TAF7: variants seen among roughly 807,000 people sequenced by gnomAD.
TAF7 encodes the protein TATA-box binding protein associated factor 7, also known as transcription initiation factor TFIID subunit 7.
Under a neutral mutation model 25.3 loss-of-function variants are expected in TAF7, and 9 were observed. The ratio of observed to expected loss-of-function variants is 0.36; its 90% CI spans 0.21 to 0.62. The LOEUF is 0.62. TAF7 is among the 20% of genes least tolerant of loss of function. TAF7 has a pLI of 0.72. For missense variants in TAF7, 311 were observed against 410.6 expected (o/e 0.76, Z 2.10); for synonymous variants, 127 against 146.7 (o/e 0.87, Z 0.97).
chr5:141,318,700 A>C lies in TAF7; in HGVS notation c.*295T>G, dbSNP rs1235188321. On this transcript the variant is annotated 3_prime_UTR_variant, in exon 1 of 1. Coordinates refer to ENST00000313368, the MANE Select transcript of TAF7 (RefSeq NM_005642.3). ...AACAGCAGCTTCTAGAAAATGGAGA[A>C]ACAGTAAAGTCCTGCAATGAAGCTA... is the stretch of plus-strand genomic sequence containing the variant. The C allele has an allele frequency of 1.3e-5, 3 of 227,420 alleles. No individual in the cohort carries two copies. Among genetic ancestry groups the C allele is most frequent in the Non-Finnish European group, 2.5e-5 (3 of 117,822 alleles). 14.1% of individuals were successfully genotyped at this position (227,420 alleles called of 1,614,324 possible). A position where few individuals can be genotyped will look rare whatever the true frequency, so the allele number is the denominator to read the frequency against.
At position 141,318,739 on chromosome 5, in the gene TAF7, AC is replaced by A; in HGVS notation, c.*255del. 2.9e-6 allele frequency: 1 copy of A among 350,570 alleles called. No homozygotes were observed. Among genetic ancestry groups the A allele is most frequent in the Non-Finnish European group, 5.1e-6 (1 of 194,294 alleles). 21.7% of individuals were successfully genotyped at this position (350,570 alleles called of 1,614,324 possible). On this transcript the variant is annotated 3_prime_UTR_variant, in exon 1 of 1. Coordinates refer to ENST00000313368, the MANE Select transcript of TAF7 (RefSeq NM_005642.3). ...GCAATGAAGCTATAATTAAGGTTGA[AC>A]CATACATTCCGCTAATCCTGCAACT... is the stretch of plus-strand genomic sequence containing the variant.
Position 141,319,646 on chromosome 5 carries a change from G to A in TAF7, c.399C>T (p.Asn133=), listed in dbSNP as rs369545206. ...TCTTTAGAGGCAGAGTAATTCCGTG[G>A]TTCCAGATAAACTTTTTCTCTTTGT... The part of the protein sequence containing the change: ...DKDKEKKFIW[N]HGITLPLKNV... The change falls in exon 1 of 1, where the codon AAC becomes AAT. Residue 133 remains asparagine, a synonymous_variant. Transcript: ENST00000313368. The surrounding 1 kb of genome is among the most constrained non-coding windows in gnomAD (Gnocchi z 5.3). 62 of 1,614,024 alleles carry A rather than the reference G, an allele frequency of 3.8e-5. No homozygotes were observed. In the Admixed American group the frequency reaches 4.8e-4, roughly 13 times the overall value.
Position 141,319,785 on chromosome 5 carries a change from T to C in TAF7, c.260A>G (p.Lys87Arg). ...AAGCATCTGACAGATATCAGCTGTC[T>C]TGTAAAAAGTTTTTTTATCAATGGT... ...LKTIDKKTFY[K>R]TADICQMLVS... Residue 87 changes from lysine (K) to arginine (R), a missense_variant, in exon 1 of 1, where the codon AAG becomes AGG. Transcript: ENST00000313368. This position sits in a 1 kb window ranked among gnomAD's most constrained non-coding sequence, Gnocchi z 5.3. 2 of 1,614,130 alleles carry C rather than the reference T, an allele frequency of 1.2e-6. No individual in the cohort carries two copies. Among genetic ancestry groups the C allele is most frequent in the Non-Finnish European group, 1.7e-6 (2 of 1,180,038 alleles).
chr5:141,318,803 C>T lies in TAF7; in HGVS notation c.*192G>A, dbSNP rs903367626. On this transcript the variant is annotated 3_prime_UTR_variant, in exon 1 of 1. Coordinates refer to ENST00000313368, the MANE Select transcript of TAF7 (RefSeq NM_005642.3). ...TTTTTCTGCCTATACAATCCTGCTT[C>T]TTATAGGATGAACACCTAGCAAAAC... The T allele has an allele frequency of 3.9e-6, 2 of 516,888 alleles. No individual in the cohort carries two copies. Among genetic ancestry groups the T allele is most frequent in the Non-Finnish European group, 6.6e-6 (2 of 301,864 alleles). The allele number at this position is 516,888 out of a possible 1,614,324, so 32.0% of individuals were successfully genotyped here. A position where few individuals can be genotyped will look rare whatever the true frequency, so the allele number is the denominator to read the frequency against.
Position 141,319,648 on chromosome 5 carries a change from T to C in TAF7, c.397A>G (p.Asn133Asp), listed in dbSNP as rs1418372319. The C allele has an allele frequency of 1.2e-6, 2 of 1,614,080 alleles. No individual in the cohort carries two copies. Among genetic ancestry groups the C allele is most frequent in the African/African-American group, 1.3e-5 (1 of 74,944 alleles). Reference protein sequence around the residue: ...DKDKEKKFIWNHGITLPLKNV... With the variant: ...DKDKEKKFIWDHGITLPLKNV... Reference sequence around the variant, plus strand: ...TTTAGAGGCAGAGTAATTCCGTGGTTCCAGATAAACTTTTTCTCTTTGTCC... The same window carrying C: ...TTTAGAGGCAGAGTAATTCCGTGGTCCCAGATAAACTTTTTCTCTTTGTCC... The change falls in exon 1 of 1, where the codon AAC becomes GAC. Residue 133 changes from asparagine to aspartate, a missense_variant. Coordinates refer to ENST00000313368, the MANE Select transcript of TAF7 (RefSeq NM_005642.3). This position sits in a 1 kb window ranked among gnomAD's most constrained non-coding sequence, Gnocchi z 5.3.
In TAF7 at chr5:141,319,867, G is replaced by A; in HGVS notation, c.178C>T (p.Arg60Cys). 6.2e-7 allele frequency: 1 copy of A among 1,614,094 alleles called. No individual in the cohort carries two copies. The highest frequency in any genetic ancestry group is 8.5e-7 in the Non-Finnish European group (1 of 1,180,030). The change falls in exon 1 of 1, where the codon CGT becomes TGT. Residue 60 changes from arginine (R) to cysteine (C), a missense_variant. Transcript: ENST00000313368. The surrounding 1 kb of genome is among the most constrained non-coding windows in gnomAD (Gnocchi z 5.3). ...DGRHGIVRVD[R>C]VPLASKLVDL... ...ACTAATTTTGAGGCCAATGGAACACGGTCCACTCTGACGATTCCATGACGC... is the reference window on the plus strand; with the variant it reads ...ACTAATTTTGAGGCCAATGGAACACAGTCCACTCTGACGATTCCATGACGC...
In TAF7 at chr5:141,319,259, A is replaced by C. The variant is rs777183993; in HGVS notation, c.786T>G (p.Asn262Lys). Residue 262 changes from asparagine (N) to lysine (K), a missense_variant, in exon 1 of 1, where the codon AAT becomes AAG. Asn to Lys is a moderately conservative substitution (Grantham distance 94, BLOSUM62 0). This residue lies in a region of TAF7 where 179 missense variants were observed against 206.7 expected (regional missense o/e 0.87). Transcript: ENST00000313368. The surrounding 1 kb of genome is among the most constrained non-coding windows in gnomAD (Gnocchi z 5.3). ...TTTCCTGGTGCTGTTCATCTGATTC[A>C]TTTAGCTTGTCCTGTAGCTGTCTCT... ...DLERQLQDKL[N>K]ESDEQHQENE... The C allele has an allele frequency of 3.3e-5, 53 of 1,613,792 alleles. No homozygotes were observed. The highest frequency in any genetic ancestry group is 3.9e-5 in the Non-Finnish European group (46 of 1,180,020).
Position 141,320,146 on chromosome 5 carries a change from C to A in TAF7, c.-102G>T, listed in dbSNP as rs1468161588. 20 of 1,038,180 alleles carry A rather than the reference C, an allele frequency of 1.9e-5. No homozygotes were observed. Among genetic ancestry groups the A allele is most frequent in the Middle Eastern group, 3.1e-4 (1 of 3,202 alleles). The allele number at this position is 1,038,180 out of a possible 1,614,324, so 64.3% of individuals were successfully genotyped here. On this transcript the variant is annotated 5_prime_UTR_variant, in exon 1 of 1. Transcript: ENST00000313368. ...ACACCAGTTTGCTATGAATTGAAAT[C>A]TTTTAATTACAAGAAGTTCTCTGTA...
Position 141,318,849 on chromosome 5 carries a change from C to G in TAF7, c.*146G>C. On this transcript the variant is annotated 3_prime_UTR_variant, in exon 1 of 1. Coordinates refer to ENST00000313368, the MANE Select transcript of TAF7 (RefSeq NM_005642.3). ...AAAACAATATAAATTTGCTGAAAAA[C>G]AAAATTACAAACAAATGAAAGAACT... 1 of 754,072 alleles carries G rather than the reference C, an allele frequency of 1.3e-6. No homozygotes were observed. The highest frequency in any genetic ancestry group is 2.9e-5 in the East Asian group (1 of 33,974). 46.7% of individuals were successfully genotyped at this position (754,072 alleles called of 1,614,324 possible). A position where few individuals can be genotyped will look rare whatever the true frequency, so the allele number is the denominator to read the frequency against.
Position 141,319,912 on chromosome 5 carries a change from T to C in TAF7, c.133A>G (p.Ile45Val), listed in dbSNP as rs1166022452. 2 of 1,614,198 alleles carry C rather than the reference T, an allele frequency of 1.2e-6. No individual in the cohort carries two copies. Among genetic ancestry groups the C allele is most frequent in the African/African-American group, 1.3e-5 (1 of 75,062 alleles). ...TGACGCCCATCAGGATGTAACTCAATTGTCAGTCTGTCCTTGAGGTTGACA... is the reference window on the plus strand; with the variant it reads ...TGACGCCCATCAGGATGTAACTCAACTGTCAGTCTGTCCTTGAGGTTGACA... ...GHVNLKDRLT[I>V]ELHPDGRHGI... The change falls in exon 1 of 1, where the codon ATT (isoleucine) becomes GTT (valine). Residue 45 changes from isoleucine to valine, a missense_variant. Coordinates refer to ENST00000313368, the MANE Select transcript of TAF7 (RefSeq NM_005642.3). This position sits in a 1 kb window ranked among gnomAD's most constrained non-coding sequence, Gnocchi z 5.3.
rs1035839807 is a variant in TAF7, at chr5:141,320,172, G to C, written c.-128C>G. 1.4e-5 allele frequency: 11 copies of C among 799,272 alleles called. No individual in the cohort carries two copies. The African/African-American group carries it at 1.9e-4, about 14-fold the overall frequency. The allele number at this position is 799,272 out of a possible 1,614,324, so 49.5% of individuals were successfully genotyped here. A position where few individuals can be genotyped will look rare whatever the true frequency, so the allele number is the denominator to read the frequency against. The stretch of plus-strand genomic sequence containing the variant: ...TTTTAATTACAAGAAGTTCTCTGTA[G>C]ATCAGCAGCTAAGCGTCTATTTTGC... On this transcript the variant is annotated 5_prime_UTR_variant, in exon 1 of 1. The change creates a new upstream start codon in the 5' untranslated region. Coordinates refer to ENST00000313368, the MANE Select transcript of TAF7 (RefSeq NM_005642.3).
Position 141,320,246 on chromosome 5 carries a change from C to G in TAF7, c.-202G>C, listed in dbSNP as rs1460588997. ...GTCTTTTCTCTAAATATGCTGTGACCGAATACCAGTCGTTAACACAAAGGC... is the reference window on the plus strand; with the variant it reads ...GTCTTTTCTCTAAATATGCTGTGACGGAATACCAGTCGTTAACACAAAGGC... On this transcript the variant is annotated 5_prime_UTR_variant, in exon 1 of 1. Transcript: ENST00000313368. The G allele has an allele frequency of 3.4e-6, 2 of 591,728 alleles. No individual in the cohort carries two copies. The highest frequency in any genetic ancestry group is 2.9e-5 in the East Asian group (1 of 34,486). 36.7% of individuals were successfully genotyped at this position (591,728 alleles called of 1,614,324 possible).
In TAF7 at chr5:141,319,682, T is replaced by C. The variant is rs1161649910; in HGVS notation, c.363A>G (p.Lys121=). The C allele has an allele frequency of 1.2e-6, 2 of 1,614,056 alleles. No individual in the cohort carries two copies. Among genetic ancestry groups the C allele is most frequent in the Non-Finnish European group, 1.7e-6 (2 of 1,180,050 alleles). The change falls in exon 1 of 1, where the codon AAA becomes AAG. Residue 121 remains lysine (K), a synonymous_variant. Transcript: ENST00000313368. The surrounding 1 kb of genome is among the most constrained non-coding windows in gnomAD (Gnocchi z 5.3). ...ACTTTTTCTCTTTGTCCTTATCCTT[T>C]TTCTTGCTTGCTTTAGGATCAGTGC... ...VASTDPKASK[K]KDKDKEKKFI...
chr5:141,320,079 G>T lies in TAF7; in HGVS notation c.-35C>A. Reference sequence around the variant, plus strand: ...CTTGTGATTCACTTCTCCAATAAATGCTGGTTACACTAAAAAGTTCCAGCT... The same window carrying T: ...CTTGTGATTCACTTCTCCAATAAATTCTGGTTACACTAAAAAGTTCCAGCT... On this transcript the variant is annotated 5_prime_UTR_variant, in exon 1 of 1. Transcript: ENST00000313368. The T allele has an allele frequency of 6.4e-7, 1 of 1,573,494 alleles. No homozygotes were observed. Among genetic ancestry groups the T allele is most frequent in the Non-Finnish European group, 8.7e-7 (1 of 1,155,664 alleles).
Position 141,319,971 on chromosome 5 carries a change from G to A in TAF7, c.74C>T (p.Ala25Val). Residue 25 changes from alanine (A) to valine (V), a missense_variant, in exon 1 of 1, where the codon GCC (alanine) becomes GTC (valine). Transcript: ENST00000313368. This position sits in a 1 kb window ranked among gnomAD's most constrained non-coding sequence, Gnocchi z 5.3. ...CTGTACTGCCCTTCTCACAGTAGAG[G>A]CATATTCTGGAGGCAGACGTAAGAT... ...QFILRLPPEY[A>V]STVRRAVQSG... 6.2e-7 allele frequency: 1 copy of A among 1,613,974 alleles called. No individual in the cohort carries two copies. The highest frequency in any genetic ancestry group is 2.2e-5 in the East Asian group (1 of 44,876).
rs778667242 is a variant in TAF7 at position 141,319,837 on chromosome 5, G to C, written c.208C>G (p.Leu70Val). The C allele has an allele frequency of 6.8e-6, 11 of 1,614,010 alleles. No individual in the cohort carries two copies. The highest frequency in any genetic ancestry group is 8.5e-6 in the Non-Finnish European group (10 of 1,180,032). Residue 70 changes from leucine to valine, a missense_variant, in exon 1 of 1, where the codon CTG becomes GTG. Leu to Val is a conservative substitution (Grantham distance 32). Transcript: ENST00000313368. This position sits in a 1 kb window ranked among gnomAD's most constrained non-coding sequence, Gnocchi z 5.3. ...TTCAAGCTTTCCATAACACAGGGCA[G>C]GTCTACTAATTTTGAGGCCAATGGA... ...RVPLASKLVD[L>V]PCVMESLKTI...
In TAF7 at chr5:141,319,825, T is replaced by G. The variant is rs1286350932; in HGVS notation, c.220A>C (p.Met74Leu). The G allele has an allele frequency of 6.2e-7, 1 of 1,614,146 alleles. No individual in the cohort carries two copies. Among genetic ancestry groups the G allele is most frequent in the African/African-American group, 1.3e-5 (1 of 75,026 alleles). ...ASKLVDLPCV[M>L]ESLKTIDKKT... is the part of the protein sequence containing the mutation. ...TTATCAATGGTTTTCAAGCTTTCCATAACACAGGGCAGGTCTACTAATTTT... is the reference window on the plus strand; with the variant it reads ...TTATCAATGGTTTTCAAGCTTTCCAGAACACAGGGCAGGTCTACTAATTTT... Residue 74 changes from methionine (M) to leucine (L), a missense_variant, in exon 1 of 1, where the codon ATG (methionine) becomes CTG (leucine). Met to Leu is a conservative substitution (Grantham distance 15). This residue lies in a region of TAF7 where 119 missense variants were observed against 159.3 expected (regional missense o/e 0.75). Transcript: ENST00000313368. The surrounding 1 kb of genome is among the most constrained non-coding windows in gnomAD (Gnocchi z 5.3).
rs1359670177 is a variant in TAF7, at chr5:141,320,452, C to T, written c.-408G>A. The T allele has an allele frequency of 5.7e-6, 1 of 175,602 alleles. No individual in the cohort carries two copies. The highest frequency in any genetic ancestry group is 2.4e-5 in the African/African-American group (1 of 41,594). The allele number at this position is 175,602 out of a possible 1,614,324, so 10.9% of individuals were successfully genotyped here. A position where few individuals can be genotyped will look rare whatever the true frequency, so the allele number is the denominator to read the frequency against. On this transcript the variant is annotated 5_prime_UTR_variant, in exon 1 of 1. Transcript: ENST00000313368. ...AGCAGAGATACTTTCAACTCACAAACTCTCCCGGAACAAAGACACTCAAAA... is the reference window on the plus strand; with the variant it reads ...AGCAGAGATACTTTCAACTCACAAATTCTCCCGGAACAAAGACACTCAAAA...
chr5:141,319,080 A>C lies in TAF7; in HGVS notation c.965T>G (p.Leu322Arg). 1 of 1,614,180 alleles carries C rather than the reference A, an allele frequency of 6.2e-7. No homozygotes were observed. The stretch of plus-strand genomic sequence containing the variant: ...GTCTTCCTTTTGTTTGAGCTCATCC[A>C]GTACAGCCTGAAATCTGTTCTTGAG... ...LALKNRFQAVLDELKQKEDRE... is the reference protein window; with the variant it reads ...LALKNRFQAVRDELKQKEDRE... Residue 322 changes from leucine (L) to arginine (R), a missense_variant, in exon 1 of 1, where the codon CTG (leucine) becomes CGG (arginine). This residue lies in a region of TAF7 where 179 missense variants were observed against 206.7 expected (regional missense o/e 0.87). Coordinates refer to ENST00000313368, the MANE Select transcript of TAF7 (RefSeq NM_005642.3). The surrounding 1 kb of genome is among the most constrained non-coding windows in gnomAD (Gnocchi z 5.3).
Sources: allele counts gnomAD v4.1 joint callset, GRCh38; gene constraint gnomAD v4.1.1; regional missense constraint gnomAD v4.1.1; non-coding constraint Gnocchi (gnomAD v3.1); transcripts MANE v1.5; gene names NCBI Gene and HGNC (gene_info 2026-07-23, HGNC 2026-07-21).